Variants in SYNPR observed in about 807,000 individuals in gnomAD.
SYNPR encodes synaptoporin.
Under a neutral mutation model 32.9 loss-of-function variants are expected in SYNPR, and 23 were observed. That is an observed-to-expected ratio of 0.70 (90% confidence interval 0.50 to 0.99). The LOEUF is 0.99. SYNPR is among the 50% of genes least tolerant of loss of function. The pLI, the probability that SYNPR is intolerant of heterozygous loss-of-function variation, is 0.00. For missense variants in SYNPR, 318 were observed against 349.3 expected (o/e 0.91, Z 0.71); for synonymous variants, 146 against 135.9 (o/e 1.07, Z -0.52).
At chr3:63,309,851 C>A (rs1333440198) in intron 2 of SYNPR, among the ~76,000 whole-genome samples, 1 of 152,002 alleles carries the variant, frequency 6.6e-6, no homozygotes, top group African/African-American at 2.4e-5. Context: ...ATCCTGCAAA[C>A]TACAGGGGTT....
At chr3:63,278,655 C>G (rs746434163) in intron 1 of SYNPR, 22 bp from the exon 2 acceptor site, 2 of 1,551,524 alleles carry the variant, frequency 1.3e-6, no homozygotes, top group African/African-American at 2.7e-5. Context: ...TGCTTTCTCT[C>G]TCTCGCCTCA....
intron 2 of SYNPR, among the ~76,000 whole-genome samples, chr3:63,379,256 A>G (rs539195558): frequency 1.3e-5 from 2 of 152,152 alleles, no homozygotes; most frequent in Non-Finnish European, 2.9e-5. Flanking sequence ...CTTGAAAAGT[A>G]TGTATATCCT....
At chr3:63,432,663 G>C (rs1252346626) in intron 2 of SYNPR, among the ~76,000 whole-genome samples, 1 of 152,190 alleles carries the variant, frequency 6.6e-6, no homozygotes, top group Admixed American at 6.5e-5. Context: ...AGATAAGAAA[G>C]AGGTAGGAGA....
intron 3 of SYNPR, among the ~76,000 whole-genome samples, chr3:63,530,308 G>A (rs1270567308): frequency 6.6e-6 from 1 of 152,200 alleles, no homozygotes; most frequent in African/African-American, 2.4e-5. Context: ...ATGGCCGGCT[G>A]TGTTAGCCAG....
chr3:63,494,447 A>G lies in SYNPR; in HGVS notation c.209+13491A>G, dbSNP rs1475688099. On this transcript the variant is annotated intron_variant, in intron 3 of 5. Transcript: ENST00000478300. ...TATATATATATACGTATATATATAT[A>G]CACATATATATACATATATACACAT... 3.5e-5 allele frequency among the ~76,000 whole-genome samples: 3 copies of G among 85,868 alleles called. 1 individual carries two copies. Among genetic ancestry groups the G allele is most frequent in the African/African-American group, 1.3e-4 (3 of 22,802 alleles). The allele number at this position is 85,868 out of a possible 152,430, so 56.3% of individuals were successfully genotyped here.
chr3:63,317,680 T>C (rs2087057725), intron 2 of SYNPR, among the ~76,000 whole-genome samples: 1 of 152,038 alleles, frequency 6.6e-6, no homozygotes, highest in Admixed American at 6.6e-5. Flanking sequence ...TTCTTATTCA[T>C]TCTGTAGTTC....
chr3:63,252,533 A>C (rs2086341583), exon 2 of SYNPR: 1 of 152,090 alleles, frequency 6.6e-6, no homozygotes, highest in South Asian at 2.1e-4. Context: ...TTTAAGGAAA[A>C]CTTTCCTTCA....
chr3:63,247,473 T>A (rs932289486), intron 1 of SYNPR, among the ~76,000 whole-genome samples: 4 of 152,068 alleles, frequency 2.6e-5, no homozygotes, highest in Non-Finnish European at 2.9e-5. Context: ...TCAGGCTTGC[T>A]TAGAGCTGAA....
At chr3:63,497,642 G>T (rs1701398008) in intron 3 of SYNPR, among the ~76,000 whole-genome samples, 1 of 151,622 alleles carries the variant, frequency 6.6e-6, no homozygotes, top group Admixed American at 6.6e-5. Flanking sequence ...GATTACCATG[G>T]TCTTTAGAGA....
intron 3 of SYNPR, among the ~76,000 whole-genome samples, chr3:63,539,730 G>A (rs1254929920): frequency 3.9e-5 from 6 of 152,158 alleles, no homozygotes; most frequent in African/African-American, 7.2e-5. Context: ...TGGGGTAAGC[G>A]AGACAGAGAA....
At chr3:63,428,800 A>C (rs1485192299) in intron 2 of SYNPR, among the ~76,000 whole-genome samples, 1 of 152,144 alleles carries the variant, frequency 6.6e-6, no homozygotes, top group Non-Finnish European at 1.5e-5. Context: ...AAGTTCCAGG[A>C]GATTGGGGAT....
intron 2 of SYNPR, among the ~76,000 whole-genome samples, chr3:63,282,493 T>A (rs1374621041): frequency 6.6e-6 from 1 of 151,972 alleles, no homozygotes; most frequent in African/African-American, 2.4e-5. Flanking sequence ...TATGATCAAA[T>A]AAAAATAATG....
At chr3:63,502,580 C>T (rs1012998386) in intron 3 of SYNPR, among the ~76,000 whole-genome samples, 20 of 152,120 alleles carry the variant, frequency 1.3e-4, no homozygotes, top group Admixed American at 2.0e-4. Context: ...CCTCTGACAA[C>T]CATTGATGCT....
chr3:63,476,365 G>A (rs1700922966), intron 2 of SYNPR, among the ~76,000 whole-genome samples: 1 of 123,622 alleles, frequency 8.1e-6, no homozygotes, highest in Non-Finnish European at 1.7e-5. Context: ...GGAAGGGAAG[G>A]AAGGAAGGAA....
chr3:63,607,485 C>T (rs530724015), intron 4 of SYNPR, among the ~76,000 whole-genome samples: 3 of 152,094 alleles, frequency 2.0e-5, no homozygotes, highest in Non-Finnish European at 4.4e-5. Flanking sequence ...CTTGTTTATA[C>T]CTCTACCTCA....
chr3:63,573,930 G>A (rs529504162), intron 4 of SYNPR, among the ~76,000 whole-genome samples: 24 of 152,136 alleles, frequency 1.6e-4, no homozygotes, highest in Non-Finnish European at 3.4e-4. Context: ...CAAGCTACCA[G>A]GTGGGCCCAC....
At chr3:63,470,257 AG>A (rs1316932781) in intron 2 of SYNPR, among the ~76,000 whole-genome samples, 5 of 152,326 alleles carry the variant, frequency 3.3e-5, no homozygotes, top group Non-Finnish European at 4.4e-5. Context: ...TGCTTTAAAA[AG>A]ATTATAAACA....
At chr3:63,500,902 T>C (rs1432051882) in intron 3 of SYNPR, among the ~76,000 whole-genome samples, 1 of 152,216 alleles carries the variant, frequency 6.6e-6, no homozygotes, top group East Asian at 1.9e-4. Flanking sequence ...GATTTAGTGC[T>C]ATTTATGGGC....
intron 2 of SYNPR, among the ~76,000 whole-genome samples, chr3:63,410,459 C>A (rs1560221964): frequency 6.6e-6 from 1 of 152,140 alleles, no homozygotes; most frequent in Non-Finnish European, 1.5e-5. Context: ...TCCTAATGCA[C>A]TATCAGTTCA....
Sources: gnomAD v4.1 joint callset for allele counts (sites outside exome capture counted in the v4.1 genomes callset) on GRCh38, gnomAD v4.1.1 for gene constraint, MANE v1.5 for transcripts, NCBI Gene and HGNC (gene_info 2026-07-23, HGNC 2026-07-21) for gene names.